The following LRMDA variants were observed in gnomAD, a reference collection of about 807,000 sequenced individuals.
LRMDA encodes the protein leucine-rich melanocyte differentiation-associated protein.
LRMDA carries 18 observed loss-of-function variants against 29.8 expected under a neutral mutation model. The ratio of observed to expected loss-of-function variants is 0.60; its 90% CI spans 0.42 to 0.90. The LOEUF is 0.90. Ranked by LOEUF, LRMDA falls within the 40% of genes least tolerant of loss-of-function variation. The pLI is 0.00. For synonymous variants in LRMDA, 125 were observed against 109.4 expected (o/e 1.14, Z -0.89); for missense variants, 273 against 273.9 (o/e 1.00, Z 0.02).
At chr10:76,430,027 A>G (rs1363144148) in intron 6 of LRMDA, among the ~76,000 whole-genome samples, 1 of 152,252 alleles carries the variant, frequency 6.6e-6, no homozygotes, top group Non-Finnish European at 1.5e-5. Flanking sequence ...AAAAGCAAAC[A>G]TGCTGTTTCT....
chr10:75,503,505 C>T (rs1845138398), intron 2 of LRMDA, among the ~76,000 whole-genome samples: 2 of 151,542 alleles, frequency 1.3e-5, no homozygotes, highest in Non-Finnish European at 2.9e-5. Flanking sequence ...TATAATTGGT[C>T]ATGAATCTGG....
intron 5 of LRMDA, among the ~76,000 whole-genome samples, chr10:76,305,732 T>G (rs1840546529): frequency 6.6e-6 from 1 of 152,250 alleles, no homozygotes; most frequent in Non-Finnish European, 1.5e-5. Context: ...TAATCATATA[T>G]TTGGGTCTGG....
chr10:76,363,319 A>G (rs1315719928), intron 6 of LRMDA, among the ~76,000 whole-genome samples: 12 of 124,408 alleles, frequency 9.6e-5, no homozygotes, highest in African/African-American at 1.4e-4. Flanking sequence ...GAGGAAGGAA[A>G]AAGAAAAGAA....
intron 5 of LRMDA, among the ~76,000 whole-genome samples, chr10:76,282,568 C>T (rs1211146474): frequency 2.0e-5 from 3 of 152,180 alleles, no homozygotes; most frequent in Admixed American, 6.6e-5. Flanking sequence ...TGAGATTAAA[C>T]AATTTCATAG....
At chr10:76,026,511 T>A (rs907937348) in intron 2 of LRMDA, among the ~76,000 whole-genome samples, 1 of 152,202 alleles carries the variant, frequency 6.6e-6, no homozygotes, top group Non-Finnish European at 1.5e-5. Flanking sequence ...TTTACACAAA[T>A]AGAGCTGTAG....
chr10:75,954,213 CAT>C (rs1846626149), intron 2 of LRMDA, among the ~76,000 whole-genome samples: 1 of 152,144 alleles, frequency 6.6e-6, no homozygotes, highest in African/African-American at 2.4e-5. Context: ...AGAGCACAGA[CAT>C]GTGGGGACTA....
intron 6 of LRMDA, among the ~76,000 whole-genome samples, chr10:76,488,536 A>G (rs987300229): frequency 6.6e-6 from 1 of 151,848 alleles, no homozygotes; most frequent in Non-Finnish European, 1.5e-5. Context: ...CATTGTGTAG[A>G]TATACAATAG....
intron 2 of LRMDA, among the ~76,000 whole-genome samples, chr10:75,862,710 G>A (rs1430462700): frequency 2.6e-5 from 4 of 152,148 alleles, no homozygotes; most frequent in South Asian, 2.1e-4. Context: ...GTTTGTTGGC[G>A]CTAATAAAAT....
At chr10:75,971,399 A>C (rs543884010) in intron 2 of LRMDA, among the ~76,000 whole-genome samples, 138 of 152,304 alleles carry the variant, frequency 9.1e-4, no homozygotes, top group African/African-American at 3.1e-3. Context: ...TAATGGACTC[A>C]GTTGGGTTGT....
intron 6 of LRMDA, among the ~76,000 whole-genome samples, chr10:76,392,678 A>AT (rs549146537): frequency 1.3e-4 from 19 of 151,182 alleles, no homozygotes; most frequent in African/African-American, 3.1e-4. Flanking sequence ...ATAGTTTATT[A>AT]TTTTTTTTTG....
At chr10:75,750,009 AGTCAGGAT>A (rs948591354) in intron 2 of LRMDA, among the ~76,000 whole-genome samples, 2 of 152,242 alleles carry the variant, frequency 1.3e-5, no homozygotes, top group African/African-American at 4.8e-5. Flanking sequence ...AACAAAATGG[AGTCAGGAT>A]GTCTACTTCT....
intron 2 of LRMDA, among the ~76,000 whole-genome samples, chr10:76,016,072 CTTGTA>C (rs1321136014): frequency 1.3e-5 from 2 of 152,190 alleles, no homozygotes; most frequent in Non-Finnish European, 2.9e-5. Flanking sequence ...CTCCTTGAAT[CTTGTA>C]TTGTTTAATT....
At chr10:76,325,783 A>G (rs1004570430) in intron 6 of LRMDA, among the ~76,000 whole-genome samples, 4 of 152,230 alleles carry the variant, frequency 2.6e-5, no homozygotes, top group Admixed American at 6.5e-5. Context: ...TTGAGATTTC[A>G]CTATGGAGAG....
chr10:76,081,490 G>A (rs1437746594), intron 5 of LRMDA, among the ~76,000 whole-genome samples: 1 of 152,162 alleles, frequency 6.6e-6, no homozygotes, highest in Non-Finnish European at 1.5e-5. Flanking sequence ...ATTGCCTGTG[G>A]TGTGTACATT....
intron 5 of LRMDA, among the ~76,000 whole-genome samples, chr10:76,261,064 CT>C (rs58554883): frequency 1.0e-3 from 120 of 117,698 alleles, no homozygotes; most frequent in Non-Finnish European, 1.5e-3. Flanking sequence ...CTTTTCTTTT[CT>C]TTTTTTTTTT....
chr10:76,423,459 A>G (rs1842090542), intron 6 of LRMDA, among the ~76,000 whole-genome samples: 1 of 152,282 alleles, frequency 6.6e-6, no homozygotes, highest in African/African-American at 2.4e-5. Context: ...ACATAAATTC[A>G]TTTAACTTAC....
chr10:75,702,136 C>A (rs928183213), intron 2 of LRMDA, among the ~76,000 whole-genome samples: 14 of 152,180 alleles, frequency 9.2e-5, no homozygotes, highest in South Asian at 2.1e-4. Context: ...ACTCCCTGCA[C>A]CCTGTTGACT....
intron 2 of LRMDA, among the ~76,000 whole-genome samples, chr10:75,679,321 C>T (rs545080828): frequency 1.3e-5 from 2 of 152,194 alleles, no homozygotes; most frequent in Middle Eastern, 3.4e-3. Flanking sequence ...TATCCTATTT[C>T]ATTCCTGCGA....
At chr10:75,796,890 T>G (rs1843662455) in intron 2 of LRMDA, among the ~76,000 whole-genome samples, 1 of 152,212 alleles carries the variant, frequency 6.6e-6, no homozygotes, top group Admixed American at 6.5e-5. Context: ...TGTTAAGGAT[T>G]TTTTAGTCTA....
Sources: allele counts gnomAD v4.1 joint callset (sites outside exome capture counted in the v4.1 genomes callset), GRCh38; gene constraint gnomAD v4.1.1; transcripts MANE v1.5; gene names NCBI Gene and HGNC (gene_info 2026-07-23, HGNC 2026-07-21).